Variants in COL24A1 observed in about 807,000 individuals in gnomAD.
COL24A1 encodes the protein collagen alpha-1(XXIV) chain.
COL24A1 carries 224 observed loss-of-function variants against 253.9 expected under a neutral mutation model. The ratio of observed to expected loss-of-function variants is 0.88; its 90% CI spans 0.79 to 0.99. The LOEUF (loss-of-function observed/expected upper bound fraction) is 0.99. Ranked by LOEUF, COL24A1 falls within the 50% of genes least tolerant of loss-of-function variation. The pLI, the probability that COL24A1 is intolerant of heterozygous loss-of-function variation, is 0.00. For synonymous variants in COL24A1, 685 were observed against 673.7 expected, an observed-to-expected ratio of 1.02 and a Z score of -0.26; for missense variants, 2,131 against 2,068.5, an observed-to-expected ratio of 1.03 and a Z score of -0.59.
At chr1:85,817,678 A>G (rs1374910930) in intron 46 of COL24A1, among the ~76,000 whole-genome samples, 1 of 152,090 alleles carries the variant, frequency 6.6e-6, no homozygotes, top group South Asian at 2.1e-4. Context: ...AATCTAGCTC[A>G]TGTCATTTTA....
At chr1:85,810,755 C>G (rs1242641076) in intron 47 of COL24A1, among the ~76,000 whole-genome samples, 1 of 152,080 alleles carries the variant, frequency 6.6e-6, no homozygotes, top group African/African-American at 2.4e-5. Context: ...ATGTGTCTGT[C>G]CCCACTTCAC....
intron 51 of COL24A1, among the ~76,000 whole-genome samples, chr1:85,782,125 C>T (rs959711480): frequency 2.0e-5 from 3 of 152,140 alleles, no homozygotes; most frequent in South Asian, 2.1e-4. Flanking sequence ...TTCTTGCTGT[C>T]GCCCAGGCTG....
At chr1:86,038,937 C>T (rs1699242812) in intron 12 of COL24A1, among the ~76,000 whole-genome samples, 1 of 152,108 alleles carries the variant, frequency 6.6e-6, no homozygotes, top group Non-Finnish European at 1.5e-5. Context: ...CCCAACTATG[C>T]CACTACCAAA....
At chr1:85,806,750 T>C (rs1031687485) in intron 47 of COL24A1, among the ~76,000 whole-genome samples, 1 of 152,222 alleles carries the variant, frequency 6.6e-6, no homozygotes, top group Non-Finnish European at 1.5e-5. Flanking sequence ...GTTAAACAAG[T>C]TGGCTGGATT....
intron 1 of COL24A1, among the ~76,000 whole-genome samples, chr1:86,147,292 C>A (rs1470504237): frequency 6.6e-6 from 1 of 152,006 alleles, no homozygotes; most frequent in African/African-American, 2.4e-5. Context: ...ATATATAATT[C>A]GACTATTTAT....
At chr1:86,092,554 T>TA (rs1703580067) in intron 5 of COL24A1, among the ~76,000 whole-genome samples, 1 of 151,972 alleles carries the variant, frequency 6.6e-6, no homozygotes, top group Non-Finnish European at 1.5e-5. Context: ...TTTTTTAATC[T>TA]AATAAATTTA....
chr1:85,735,607 A>G (rs2100823173), intron 58 of COL24A1, among the ~76,000 whole-genome samples: 1 of 152,162 alleles, frequency 6.6e-6, no homozygotes, highest in East Asian at 1.9e-4. Flanking sequence ...ATAAATATTT[A>G]TTGAATGAAT....
At chr1:86,133,085 G>A (rs1457578921) in intron 2 of COL24A1, among the ~76,000 whole-genome samples, 4 of 152,092 alleles carry the variant, frequency 2.6e-5, no homozygotes, top group African/African-American at 7.2e-5. Context: ...TTGTAAGCTG[G>A]ATTCCTAGGT....
intron 55 of COL24A1, among the ~76,000 whole-genome samples, chr1:85,748,264 A>G (rs2100980939): frequency 6.6e-6 from 1 of 152,358 alleles, no homozygotes; most frequent in Non-Finnish European, 1.5e-5. Context: ...TCAATAAAAA[A>G]TGGTACTCTA....
intron 47 of COL24A1, among the ~76,000 whole-genome samples, chr1:85,805,265 AATGGAAAGAAAGAAATAC>A (rs1367779180): frequency 2.6e-5 from 4 of 152,226 alleles, no homozygotes; most frequent in Admixed American, 6.5e-5. Flanking sequence ...TGGAAAGTGA[AATGGAAAGAAAGAAATAC>A]ATGGAAAGAA....
intron 5 of COL24A1, among the ~76,000 whole-genome samples, chr1:86,099,419 C>T (rs72943813): frequency 0.013 from 1,994 of 152,026 alleles, 49 homozygotes; most frequent in African/African-American, 0.046. Context: ...ATAATGTAGT[C>T]CATAGAGAAA....
At chr1:85,971,483 C>T (rs778551500) in intron 20 of COL24A1, 90 bp from the exon 21 acceptor site, 2 of 1,066,100 alleles carry the variant, frequency 1.9e-6, no homozygotes, top group South Asian at 2.9e-5. Context: ...GGACAATACT[C>T]TTTGAAACCA....
intron 55 of COL24A1, among the ~76,000 whole-genome samples, chr1:85,747,101 CTTTT>C (rs34758363): frequency 2.7e-5 from 3 of 111,274 alleles, no homozygotes; most frequent in Non-Finnish European, 3.6e-5. Context: ...TGAATTATAA[CTTTT>C]TTTTTTTTTT....
chr1:85,975,205 T>C (rs1444977137), intron 20 of COL24A1, among the ~76,000 whole-genome samples: 6 of 151,502 alleles, frequency 4.0e-5, no homozygotes, highest in Non-Finnish European at 7.4e-5. Flanking sequence ...AAGTATGGAG[T>C]TTCCTCAAAA....
chr1:86,127,890 T>C (rs1375357546), intron 2 of COL24A1, among the ~76,000 whole-genome samples: 2 of 151,856 alleles, frequency 1.3e-5, no homozygotes, highest in East Asian at 1.9e-4. Context: ...AATTAAAATG[T>C]TTTTTAACAG....
In COL24A1 at chr1:86,038,791, C is replaced by T. The variant is rs537143583; in HGVS notation, c.1951-4868G>A. ...AGGTCTCCATGGGGAGGAAGTGAGGCCTCCCATCAACAACTAGCACCAACT... is the reference window on the plus strand; with the variant it reads ...AGGTCTCCATGGGGAGGAAGTGAGGTCTCCCATCAACAACTAGCACCAACT... On this transcript the variant is annotated intron_variant, in intron 12 of 59. Transcript: ENST00000370571. 3.0e-3 allele frequency among the ~76,000 whole-genome samples: 463 copies of T among 152,056 alleles called. 1 individual carries two copies. The highest frequency in any genetic ancestry group is 9.1e-3 in the African/African-American group (379 of 41,488).
chr1:85,855,243 T>A (rs922775460), intron 37 of COL24A1, among the ~76,000 whole-genome samples: 1 of 152,170 alleles, frequency 6.6e-6, no homozygotes, highest in African/African-American at 2.4e-5. Flanking sequence ...GTCTGACTGC[T>A]GTGACTGAGA....
chr1:85,839,498 A>G (rs1192971321), intron 42 of COL24A1, among the ~76,000 whole-genome samples: 1 of 151,962 alleles, frequency 6.6e-6, no homozygotes. Flanking sequence ...CTGAGATAGG[A>G]GGATCCCTTG....
At chr1:85,996,922 G>C (rs1191499758) in intron 19 of COL24A1, among the ~76,000 whole-genome samples, 1 of 151,360 alleles carries the variant, frequency 6.6e-6, no homozygotes, top group Non-Finnish European at 1.5e-5. Context: ...ACCTACTTTT[G>C]TTTTAGATAC....
Sources: gnomAD v4.1 joint callset for allele counts (sites outside exome capture counted in the v4.1 genomes callset) on GRCh38, gnomAD v4.1.1 for gene constraint, MANE v1.5 for transcripts, NCBI Gene and HGNC (gene_info 2026-07-23, HGNC 2026-07-21) for gene names.